The following PPFIA1 variants were observed in gnomAD, a reference collection of about 807,000 sequenced individuals.
The protein encoded by PPFIA1 is PPFI scaffold protein A1, also known as liprin-alpha-1.
A neutral mutation model predicts 149.9 loss-of-function variants in PPFIA1; 25 were observed. The observed-to-expected ratio is 0.17, with a 90% confidence interval of 0.12 to 0.23. The LOEUF is 0.23. Among genes scored for constraint, PPFIA1 ranks in the 10% least tolerant of loss-of-function variants. The pLI, the probability that PPFIA1 is intolerant of heterozygous loss-of-function variation, is 1.00. For synonymous variants in PPFIA1, 549 were observed against 552.8 expected (o/e 0.99, Z 0.10); for missense variants, 1,362 against 1,506.5 (o/e 0.90, Z 1.59).
chr11:70,373,240 T>C (rs1203756863), intron 23 of PPFIA1, among the ~76,000 whole-genome samples: 1 of 152,184 alleles, frequency 6.6e-6, no homozygotes, highest in African/African-American at 2.4e-5. Context: ...TAATTTATTT[T>C]GAGACAGGGT....
intron 2 of PPFIA1, among the ~76,000 whole-genome samples, chr11:70,281,232 T>C (rs2050742288): frequency 6.6e-6 from 1 of 152,168 alleles, no homozygotes; most frequent in African/African-American, 2.4e-5. Context: ...GATGCTGTCT[T>C]CCTTCAGAAA....
rs567041522 is a variant in PPFIA1 at position 70,294,093 on chromosome 11, C to CA, written c.264+21658dup. ...CTGGGACCATTGGTGTGCAGTGCAC[C>CA]ACCATGCCCAGCTGAGTTTTGTATT... On this transcript the variant is annotated intron_variant, in intron 2 of 27. Transcript: ENST00000253925. 3.1e-3 allele frequency among the ~76,000 whole-genome samples: 467 copies of CA among 152,042 alleles called. 5 individuals are homozygous for CA. Among genetic ancestry groups the CA allele is most frequent in the African/African-American group, 0.011 (445 of 41,452 alleles).
intron 2 of PPFIA1, chr11:70,321,383 C>A (rs1242978126): frequency 6.6e-6 from 1 of 152,232 alleles, no homozygotes; most frequent in Non-Finnish European, 1.5e-5. Flanking sequence ...AGAAAACCTT[C>A]TGTCGCGATG....
intron 2 of PPFIA1, among the ~76,000 whole-genome samples, chr11:70,309,544 C>T (rs754284533): frequency 3.0e-4 from 45 of 151,606 alleles, no homozygotes; most frequent in Middle Eastern, 3.2e-3. Context: ...CTAACAACAA[C>T]CAAAGATAGT....
chr11:70,286,443 G>C (rs1206037001), intron 2 of PPFIA1, among the ~76,000 whole-genome samples: 1 of 152,154 alleles, frequency 6.6e-6, no homozygotes, highest in Non-Finnish European at 1.5e-5. Flanking sequence ...TAGAGACGGG[G>C]TTTCACCATG....
intron 24 of PPFIA1, among the ~76,000 whole-genome samples, chr11:70,376,139 C>T (rs2057480414): frequency 1.3e-5 from 2 of 152,202 alleles, no homozygotes; most frequent in African/African-American, 4.8e-5. Flanking sequence ...CCGGCACACG[C>T]CACCGTGCCC....
intron 2 of PPFIA1, among the ~76,000 whole-genome samples, chr11:70,298,122 AT>A (rs2052210699): frequency 6.6e-6 from 1 of 152,244 alleles, no homozygotes; most frequent in Non-Finnish European, 1.5e-5. Context: ...GAAAATCCAA[AT>A]CAGATGTTTG....
At chr11:70,299,984 C>T (rs1318780542) in intron 2 of PPFIA1, among the ~76,000 whole-genome samples, 2 of 152,248 alleles carry the variant, frequency 1.3e-5, no homozygotes, top group East Asian at 1.9e-4. Context: ...CTACCGACTC[C>T]GTGTTTTGGC....
intron 26 of PPFIA1, among the ~76,000 whole-genome samples, chr11:70,380,513 C>G (rs962442309): frequency 6.6e-6 from 1 of 151,786 alleles, no homozygotes; most frequent in Non-Finnish European, 1.5e-5. Flanking sequence ...GGAGGCGGAG[C>G]TTGTGGTGAG....
chr11:70,366,402 A>G (rs1375521061), intron 21 of PPFIA1, among the ~76,000 whole-genome samples: 2 of 152,352 alleles, frequency 1.3e-5, no homozygotes, highest in African/African-American at 4.8e-5. Context: ...TTGATTTTTT[A>G]CTAAATACTA....
intron 2 of PPFIA1, among the ~76,000 whole-genome samples, chr11:70,301,769 T>G (rs549640981): frequency 1.1e-4 from 17 of 152,334 alleles, no homozygotes; most frequent in African/African-American, 4.1e-4. Context: ...TCTGAATCTT[T>G]GGCTCATTTT....
At chr11:70,372,112 C>A in intron 21 of PPFIA1, 103 bp from the exon 22 acceptor site, 1 of 993,770 alleles carries the variant, frequency 1.0e-6, no homozygotes, top group Non-Finnish European at 1.4e-6. Flanking sequence ...ATTAGTTTAG[C>A]CTTTGAGAAT....
rs183663232 is a variant in PPFIA1, at chr11:70,346,170, G to T, written c.1932-2019G>T. 5.3e-5 allele frequency among the ~76,000 whole-genome samples: 8 copies of T among 152,358 alleles called. 1 individual carries two copies. Among genetic ancestry groups the T allele is most frequent in the Admixed American group, 5.2e-4 (8 of 15,308 alleles). On this transcript the variant is annotated intron_variant, in intron 15 of 27. Coordinates refer to ENST00000253925, the MANE Select transcript of PPFIA1 (RefSeq NM_003626.5). ...CGGTAAACCCTGCCCACGCTGGCTT[G>T]GCCTAGGGACACAGCAGTGTGACCA...
Position 70,356,164 on chromosome 11 carries a change from G to T in PPFIA1, c.2492G>T (p.Gly831Val), listed in dbSNP as rs2137374166. 1.2e-6 allele frequency: 2 copies of T among 1,613,676 alleles called. No individual in the cohort carries two copies. The highest frequency in any genetic ancestry group is 1.7e-6 in the Non-Finnish European group (2 of 1,179,726). ...QTGKEALGQA[G>V]VSETDNSSQD... is the part of the protein sequence containing the mutation. ...GGGCTGTTCTGCTTCCTCACAGCTG[G>T]TGTTTCCGAGACGGATAACTCATCT... Residue 831 changes from glycine (G) to valine (V), a missense_variant, in exon 19 of 28, where the codon GGT (glycine) becomes GTT (valine). Around this residue, in one of 7 missense-constraint regions of PPFIA1, gnomAD observed 91 missense variants for 91.2 expected, o/e 1.00. Transcript: ENST00000253925.
At chr11:70,295,970 C>T (rs1326876418) in intron 2 of PPFIA1, among the ~76,000 whole-genome samples, 11 of 151,032 alleles carry the variant, frequency 7.3e-5, no homozygotes, top group African/African-American at 2.2e-4. Context: ...TCAGATGGGG[C>T]GGCTGGGCAG....
chr11:70,326,792 A>G lies in PPFIA1; in HGVS notation c.904A>G (p.Thr302Ala), dbSNP rs756561361. The G allele has an allele frequency of 6.2e-7, 1 of 1,614,066 alleles. No individual in the cohort carries two copies. The highest frequency in any genetic ancestry group is 8.5e-7 in the Non-Finnish European group (1 of 1,179,938). Residue 302 changes from threonine (T) to alanine (A), a missense_variant, in exon 7 of 28, where the codon ACA (threonine) becomes GCA (alanine). Physicochemically the swap from Thr to Ala is moderately conservative, Grantham distance 58. Transcript: ENST00000253925. The part of the protein sequence containing the change: ...KDLIKSEEMN[T>A]KLQRDVREAM... Reference sequence around the variant, plus strand: ...TCTCATCAAATCTGAAGAAATGAACACAAAATTGCAACGAGATGTCCGTGA... The same window carrying G: ...TCTCATCAAATCTGAAGAAATGAACGCAAAATTGCAACGAGATGTCCGTGA...
Position 70,340,835 on chromosome 11 carries a change from G to A in PPFIA1, c.1707+1529G>A, listed in dbSNP as rs142244750. The stretch of plus-strand genomic sequence containing the variant: ...AGGAGCAGCAGAGCAGGATAGTCCC[G>A]GCTCAATCTGGCAAGGCTGGAGCCA... On this transcript the variant is annotated intron_variant, in intron 14 of 27. Transcript: ENST00000253925. The A allele has an allele frequency of 6.7e-3, 2,455 of 366,814 alleles. 2 individuals carry two copies. Among genetic ancestry groups the A allele is most frequent in the African/African-American group, 0.049 (2,143 of 43,976 alleles). 22.7% of individuals were successfully genotyped at this position (366,814 alleles called of 1,614,324 possible).
intron 10 of PPFIA1, among the ~76,000 whole-genome samples, chr11:70,334,804 T>C (rs879814627): frequency 6.6e-6 from 1 of 152,104 alleles, no homozygotes; most frequent in Non-Finnish European, 1.5e-5. Context: ...CGTAACCCCG[T>C]GCCATTGCCT....
intron 2 of PPFIA1, among the ~76,000 whole-genome samples, chr11:70,277,264 C>T (rs767046925): frequency 2.0e-5 from 3 of 151,664 alleles, no homozygotes; most frequent in East Asian, 1.9e-4. Context: ...GATCCTCCCC[C>T]CTTAGCCTCC....
Sources: gnomAD v4.1 joint callset for allele counts (sites outside exome capture counted in the v4.1 genomes callset) on GRCh38, gnomAD v4.1.1 for gene constraint, gnomAD v4.1.1 regional missense constraint, MANE v1.5 for transcripts, NCBI Gene and HGNC (gene_info 2026-07-23, HGNC 2026-07-21) for gene names.